The following TFPI variants were observed in gnomAD, a reference collection of about 807,000 sequenced individuals.
TFPI encodes tissue factor pathway inhibitor, also known as anti-convertin.
A neutral mutation model predicts 34.6 loss-of-function variants in TFPI; 15 were observed. The ratio of observed to expected loss-of-function variants is 0.43; its 90% CI spans 0.29 to 0.67. TFPI has a LOEUF of 0.67. TFPI is among the 30% of genes least tolerant of loss of function. The pLI is 0.15. For missense variants in TFPI, 301 were observed against 364.0 expected, an observed-to-expected ratio of 0.83 and a Z score of 1.41; for synonymous variants, 105 against 120.1, an observed-to-expected ratio of 0.87 and a Z score of 0.82.
intron 1 of TFPI, chr2:187,518,025 T>C (rs548132877): frequency 6.6e-6 from 1 of 152,246 alleles, no homozygotes; most frequent in African/African-American, 2.4e-5. Flanking sequence ...ATTTTGAGCC[T>C]ATGTGTGTCT....
intron 1 of TFPI, among the ~76,000 whole-genome samples, chr2:187,524,099 C>T (rs1201378962): frequency 6.6e-6 from 1 of 152,006 alleles, no homozygotes; most frequent in Non-Finnish European, 1.5e-5. Flanking sequence ...CTTTTTATTG[C>T]TGAAAATATT....
chr2:187,535,282 T>C (rs907909808), intron 1 of TFPI, among the ~76,000 whole-genome samples: 4 of 152,142 alleles, frequency 2.6e-5, no homozygotes, highest in African/African-American at 9.7e-5. Context: ...CAACAGAATA[T>C]ATATTCTTCT....
intron 1 of TFPI, among the ~76,000 whole-genome samples, chr2:187,520,883 C>A (rs1438393328): frequency 6.6e-6 from 1 of 152,022 alleles, no homozygotes; most frequent in Non-Finnish European, 1.5e-5. Context: ...TTTGAGAGAG[C>A]ATTCAGTTGG....
At chr2:187,553,833 T>C (rs1454444496) in intron 1 of TFPI, among the ~76,000 whole-genome samples, 1 of 152,186 alleles carries the variant, frequency 6.6e-6, no homozygotes, top group Non-Finnish European at 1.5e-5. Flanking sequence ...TGAAATAAAA[T>C]GGAAAGGTAA....
chr2:187,515,738 G>C (rs1297750622), intron 1 of TFPI: 1 of 152,194 alleles, frequency 6.6e-6, no homozygotes, highest in Non-Finnish European at 1.5e-5. Context: ...GGTTGCTACA[G>C]TTCTATTATT....
chr2:187,466,100 A>T lies in TFPI; in HGVS notation c.*836T>A, dbSNP rs1691709294. 1 of 152,194 alleles carries T rather than the reference A, an allele frequency of 6.6e-6. No individual in the cohort carries two copies. Among genetic ancestry groups the T allele is most frequent in the African/African-American group, 2.4e-5 (1 of 41,448 alleles). 9.4% of individuals were successfully genotyped at this position (152,194 alleles called of 1,614,324 possible). A position where few individuals can be genotyped will look rare whatever the true frequency, so the allele number is the denominator to read the frequency against. On this transcript the variant is annotated 3_prime_UTR_variant, in exon 8 of 8. Transcript: ENST00000233156. Reference sequence around the variant, plus strand: ...TAATGATAACTGAATAGATTTCAGAAGGTTTAAATATTTTTGTTATTTTTA... The same window carrying T: ...TAATGATAACTGAATAGATTTCAGATGGTTTAAATATTTTTGTTATTTTTA...
intron 6 of TFPI, among the ~76,000 whole-genome samples, chr2:187,482,590 G>A (rs1013942464): frequency 9.2e-5 from 14 of 152,120 alleles, no homozygotes; most frequent in Non-Finnish European, 4.4e-5. Context: ...CCCACTGAAA[G>A]TTTGCATCCC....
At position 187,479,587 on chromosome 2, in the gene TFPI, A is replaced by ATATATG. The variant is rs1334522876; in HGVS notation, c.628+4536_628+4537insCATATA. On this transcript the variant is annotated intron_variant, in intron 6 of 7. Coordinates refer to ENST00000233156, the MANE Select transcript of TFPI (RefSeq NM_006287.6). ...TATATATATATATATATATATATAT[A>ATATATG]TATGATTTAAAAATACTGAAATACT... 1.2e-3 allele frequency among the ~76,000 whole-genome samples: 161 copies of ATATATG among 131,080 alleles called. 1 individual carries two copies. Among genetic ancestry groups the ATATATG allele is most frequent in the South Asian group, 4.5e-3 (18 of 3,994 alleles). The allele number at this position is 131,080 out of a possible 152,430, so 86.0% of individuals were successfully genotyped here.
chr2:187,484,784 C>G, intron 5 of TFPI, 27 bp downstream of exon 5: 2 of 1,555,900 alleles, frequency 1.3e-6, no homozygotes, highest in Non-Finnish European at 1.7e-6. Flanking sequence ...TATAAATGAA[C>G]TAAAATGAAA....
At chr2:187,501,498 A>G (rs1685848955) in intron 2 of TFPI, among the ~76,000 whole-genome samples, 1 of 151,848 alleles carries the variant, frequency 6.6e-6, no homozygotes, top group South Asian at 2.1e-4. Flanking sequence ...ATTTTATTTT[A>G]TTTTCTGGCA....
chr2:187,492,737 C>T (rs1365508937), intron 3 of TFPI, among the ~76,000 whole-genome samples: 1 of 152,112 alleles, frequency 6.6e-6, no homozygotes, highest in African/African-American at 2.4e-5. Flanking sequence ...GCCAGTTTCT[C>T]CCATTTGGAA....
intron 1 of TFPI, chr2:187,517,698 T>C (rs1413484088): frequency 2.0e-5 from 3 of 152,204 alleles, no homozygotes; most frequent in African/African-American, 7.2e-5. Flanking sequence ...AATATCCTTG[T>C]TAATTTTCTG....
At chr2:187,540,311 AGT>A (rs887665487) in intron 1 of TFPI, among the ~76,000 whole-genome samples, 1 of 152,220 alleles carries the variant, frequency 6.6e-6, no homozygotes, top group Non-Finnish European at 1.5e-5. Flanking sequence ...GAAAAAACAT[AGT>A]GTGTCAATAA....
rs898041565 is a variant in TFPI, at chr2:187,466,259, A to G, written c.*677T>C. 4.6e-5 allele frequency: 7 copies of G among 152,084 alleles called. No individual in the cohort carries two copies. Among genetic ancestry groups the G allele is most frequent in the African/African-American group, 1.7e-4 (7 of 41,426 alleles). 9.4% of individuals were successfully genotyped at this position (152,084 alleles called of 1,614,324 possible). A position where few individuals can be genotyped will look rare whatever the true frequency, so the allele number is the denominator to read the frequency against. ...GTATTTAACACACAATTATTCAGTC[A>G]TCTTGACTGATAGAATGGGCTATGG... On this transcript the variant is annotated 3_prime_UTR_variant, in exon 8 of 8. Transcript: ENST00000233156.
At chr2:187,471,007 G>A (rs1398969203) in intron 6 of TFPI, among the ~76,000 whole-genome samples, 1 of 152,220 alleles carries the variant, frequency 6.6e-6, no homozygotes, top group African/African-American at 2.4e-5. Context: ...CAGATCAACA[G>A]TGAGGTTCCT....
At chr2:187,513,900 C>T (rs1311562467) in intron 1 of TFPI, 1 of 152,186 alleles carries the variant, frequency 6.6e-6, no homozygotes, top group African/African-American at 2.4e-5. Flanking sequence ...TGGGGACTTA[C>T]CAAGTCAAAG....
At chr2:187,507,803 T>G (rs1686333018) in intron 1 of TFPI, among the ~76,000 whole-genome samples, 1 of 152,230 alleles carries the variant, frequency 6.6e-6, no homozygotes, top group Admixed American at 6.5e-5. Flanking sequence ...TTGCAGAAAC[T>G]CTTTAGTTTA....
In TFPI at chr2:187,484,912, T is replaced by C; in HGVS notation, c.434A>G (p.Asn145Ser). ...GAAACGTTCACACTGTTTTGTCTGA[T>C]TGTTATAAAAATACCTGGTAATATA... ...RGYITRYFYN[N>S]QTKQCERFKY... is the part of the protein sequence containing the mutation. The change falls in exon 5 of 8, where the codon AAT (asparagine) becomes AGT (serine). Residue 145 changes from asparagine (N) to serine (S), a missense_variant. Physicochemically the swap from Asn to Ser is conservative, Grantham distance 46 (BLOSUM62 1). Transcript: ENST00000233156. The C allele has an allele frequency of 6.3e-7, 1 of 1,587,820 alleles. No individual in the cohort carries two copies. Among genetic ancestry groups the C allele is most frequent in the Non-Finnish European group, 8.5e-7 (1 of 1,170,144 alleles).
intron 1 of TFPI, among the ~76,000 whole-genome samples, chr2:187,540,494 C>T (rs530497575): frequency 3.9e-5 from 6 of 151,934 alleles, no homozygotes; most frequent in East Asian, 1.9e-4. Flanking sequence ...AAAGAAAGCT[C>T]GATAAATTAG....
Sources: gnomAD v4.1 joint callset for allele counts (sites outside exome capture counted in the v4.1 genomes callset) on GRCh38, gnomAD v4.1.1 for gene constraint, MANE v1.5 for transcripts, NCBI Gene and HGNC (gene_info 2026-07-23, HGNC 2026-07-21) for gene names.